Variants in LCLAT1 observed in about 807,000 individuals in gnomAD.
The protein encoded by LCLAT1 is 1-AGP acyltransferase 8.
LCLAT1 carries 11 observed loss-of-function variants against 30.7 expected under a neutral mutation model. The observed-to-expected ratio is 0.36, with a 90% CI of 0.23 to 0.59. LCLAT1 has a LOEUF of 0.59. Ranked by LOEUF, LCLAT1 falls within the 20% of genes least tolerant of loss-of-function variation. The pLI is 0.77. For synonymous variants in LCLAT1, 155 were observed against 151.3 expected (o/e 1.02, Z -0.18); for missense variants, 402 against 458.6 (o/e 0.88, Z 1.13).
intron 5 of LCLAT1, among the ~76,000 whole-genome samples, chr2:30,597,861 T>C (rs1422263557): frequency 6.6e-6 from 1 of 152,202 alleles, no homozygotes; most frequent in Non-Finnish European, 1.5e-5. Context: ...CATGAAGGAA[T>C]GTTGAATTTT....
intron 1 of LCLAT1, among the ~76,000 whole-genome samples, chr2:30,480,559 T>G (rs1274606723): frequency 6.6e-6 from 1 of 152,180 alleles, no homozygotes; most frequent in Non-Finnish European, 1.5e-5. Flanking sequence ...TGACTTTTTC[T>G]CTTTTTTATA....
chr2:30,588,656 G>T (rs1666549218), intron 5 of LCLAT1, among the ~76,000 whole-genome samples: 1 of 152,048 alleles, frequency 6.6e-6, no homozygotes, highest in Admixed American at 6.6e-5. Context: ...AGCCTGTACT[G>T]ATGGCACGAT....
At chr2:30,608,061 C>CA (rs1369149570) in intron 5 of LCLAT1, among the ~76,000 whole-genome samples, 2 of 151,880 alleles carry the variant, frequency 1.3e-5, no homozygotes, top group Non-Finnish European at 2.9e-5. Context: ...TTACTCACAC[C>CA]TGTAATCCCA....
intron 5 of LCLAT1, among the ~76,000 whole-genome samples, chr2:30,636,852 A>AGGAAC (rs1669054171): frequency 6.6e-6 from 1 of 152,190 alleles, no homozygotes; most frequent in Admixed American, 6.5e-5. Flanking sequence ...AGCTGTTCCT[A>AGGAAC]AGATTTTAAG....
chr2:30,545,857 A>C (rs540051049), intron 3 of LCLAT1, among the ~76,000 whole-genome samples: 1 of 152,180 alleles, frequency 6.6e-6, no homozygotes, highest in Non-Finnish European at 1.5e-5. Context: ...CTGGATCATT[A>C]ATCACTGTAG....
chr2:30,568,128 C>T lies in LCLAT1; in HGVS notation c.580C>T (p.His194Tyr), dbSNP rs745437592. The change falls in exon 5 of 6, where the codon CAT becomes TAT. Residue 194 changes from histidine (H) to tyrosine (Y), a missense_variant. Physicochemically the swap from His to Tyr is moderately conservative, Grantham distance 83. Coordinates refer to ENST00000379509, the MANE Select transcript of LCLAT1 (RefSeq NM_001002257.3). ...ACTTCAGAAATATGAATATGTTTTA[C>T]ATCCAAGAACTACAGGCTTTACTTT... ...NGLQKYEYVL[H>Y]PRTTGFTFVV... The T allele has an allele frequency of 6.2e-7, 1 of 1,608,040 alleles. No individual in the cohort carries two copies. The highest frequency in any genetic ancestry group is 1.7e-4 in the Middle Eastern group (1 of 6,042).
chr2:30,495,043 T>G (rs970193319), intron 1 of LCLAT1, among the ~76,000 whole-genome samples: 10 of 151,958 alleles, frequency 6.6e-5, no homozygotes, highest in African/African-American at 2.4e-4. Context: ...GAACTTGTGT[T>G]TGTCAGTTCC....
At chr2:30,597,994 CTTGATCATGGTG>C (rs1667004990) in intron 5 of LCLAT1, among the ~76,000 whole-genome samples, 1 of 152,160 alleles carries the variant, frequency 6.6e-6, no homozygotes, top group Non-Finnish European at 1.5e-5. Context: ...ATGAAGCCAA[CTTGATCATGGTG>C]TATAAGTTTT....
In LCLAT1 at chr2:30,494,896, A is replaced by G. The variant is rs145443960; in HGVS notation, c.-4-30691A>G. ...GTGGAGGGAAGTATAGTAAATCTAT[A>G]TATTTATCTTAATGATTCCAGGTTC... On this transcript the variant is annotated intron_variant, in intron 1 of 5. Coordinates refer to ENST00000379509, the MANE Select transcript of LCLAT1 (RefSeq NM_001002257.3). Among the ~76,000 whole-genome samples, 467 of 148,406 alleles carry G rather than the reference A, an allele frequency of 3.1e-3. 1 individual carries two copies. The highest frequency in any genetic ancestry group is 5.3e-3 in the Non-Finnish European group (354 of 67,328).
At chr2:30,625,752 G>T (rs974057100) in intron 5 of LCLAT1, among the ~76,000 whole-genome samples, 1 of 152,168 alleles carries the variant, frequency 6.6e-6, no homozygotes, top group African/African-American at 2.4e-5. Context: ...AACCAGGTCA[G>T]TCTGACTCTG....
At chr2:30,618,809 A>G (rs13419435) in intron 5 of LCLAT1, among the ~76,000 whole-genome samples, 19,976 of 152,224 alleles carry the variant, frequency 0.13, 1,425 homozygotes, top group South Asian at 0.23. Context: ...AAATCTACTT[A>G]CCAGTTCTAG....
At chr2:30,488,167 G>A (rs1683650206) in intron 1 of LCLAT1, among the ~76,000 whole-genome samples, 1 of 152,190 alleles carries the variant, frequency 6.6e-6, no homozygotes, top group African/African-American at 2.4e-5. Flanking sequence ...CTTTGTAGTA[G>A]TTGTAGTTAC....
intron 3 of LCLAT1, among the ~76,000 whole-genome samples, chr2:30,538,894 T>A (rs952128348): frequency 6.6e-6 from 1 of 151,308 alleles, no homozygotes; most frequent in Non-Finnish European, 1.5e-5. Flanking sequence ...ATTTAAAAAA[T>A]CTCCCAGCAA....
chr2:30,520,357 T>G lies in LCLAT1; in HGVS notation c.-4-5230T>G, dbSNP rs369882672. Among the ~76,000 whole-genome samples the G allele has an allele frequency of 2.6e-5, 4 of 152,234 alleles. No individual in the cohort carries two copies. The East Asian group carries it at 7.7e-4, about 29-fold the overall frequency. ...TGTATGAGGTATTAAAAATTTAGTT[T>G]ATAATTGTAACATCTTTATTTTATA... On this transcript the variant is annotated intron_variant, in intron 1 of 5. Transcript: ENST00000379509.
intron 4 of LCLAT1, among the ~76,000 whole-genome samples, chr2:30,567,330 G>C (rs923754218): frequency 2.0e-5 from 3 of 151,954 alleles, no homozygotes; most frequent in African/African-American, 7.3e-5. Context: ...TTTAATTTCA[G>C]TAAGTATAAC....
intron 5 of LCLAT1, among the ~76,000 whole-genome samples, chr2:30,605,220 T>C (rs1667382929): frequency 6.6e-6 from 1 of 152,238 alleles, no homozygotes; most frequent in Non-Finnish European, 1.5e-5. Context: ...CTAAACGTGT[T>C]TGCACACAGC....
rs187393930 is a variant in LCLAT1, at chr2:30,520,035, G to A, written c.-4-5552G>A. ...CCATTGTTTCTGTGCGGCTAAGTGCGCGGGTTTGTCCTACTCGAGCTGAAC... is the reference window on the plus strand; with the variant it reads ...CCATTGTTTCTGTGCGGCTAAGTGCACGGGTTTGTCCTACTCGAGCTGAAC... On this transcript the variant is annotated intron_variant, in intron 1 of 5. Transcript: ENST00000379509. 7.9e-5 allele frequency among the ~76,000 whole-genome samples: 12 copies of A among 152,290 alleles called. No individual in the cohort carries two copies. The East Asian group carries it at 2.3e-3, about 29-fold the overall frequency.
In LCLAT1 at chr2:30,640,685, T is replaced by G; in HGVS notation, c.*66T>G. 6.6e-7 allele frequency: 1 copy of G among 1,504,240 alleles called. No individual in the cohort carries two copies. The highest frequency in any genetic ancestry group is 2.3e-5 in the Admixed American group (1 of 43,040). The allele number at this position is 1,504,240 out of a possible 1,614,324, so 93.2% of individuals were successfully genotyped here. On this transcript the variant is annotated 3_prime_UTR_variant, in exon 6 of 6. Coordinates refer to ENST00000379509, the MANE Select transcript of LCLAT1 (RefSeq NM_001002257.3). ...GGAAATGTTCTAAACCTTTCTAAGCTCAGATGCATTTTTGCATGACTATGT... is the reference window on the plus strand; with the variant it reads ...GGAAATGTTCTAAACCTTTCTAAGCGCAGATGCATTTTTGCATGACTATGT...
intron 1 of LCLAT1, chr2:30,476,697 C>T (rs545462874): frequency 1.6e-4 from 50 of 317,748 alleles, no homozygotes; most frequent in Admixed American, 3.8e-4. Flanking sequence ...AAATAAAGTA[C>T]GCAATAAATG....
Sources: gnomAD v4.1 joint callset for allele counts (sites outside exome capture counted in the v4.1 genomes callset) on GRCh38, gnomAD v4.1.1 for gene constraint, MANE v1.5 for transcripts, NCBI Gene and HGNC (gene_info 2026-07-23, HGNC 2026-07-21) for gene names.